MCMDC2: variants seen among roughly 807,000 people sequenced by gnomAD.
The protein encoded by MCMDC2 is minichromosome maintenance domain containing 2, also known as minichromosome maintenance domain-containing protein 2.
A neutral mutation model predicts 75.8 loss-of-function variants in MCMDC2; 54 were observed. The observed-to-expected ratio is 0.71, with a 90% CI of 0.57 to 0.89. MCMDC2 has a LOEUF of 0.89. MCMDC2 is among the 40% of genes least tolerant of loss of function. The probability of loss-of-function intolerance (pLI) is 0.00; values close to 1 mark genes in which losing one functional copy is unlikely to be tolerated. For missense variants in MCMDC2, 656 were observed against 780.4 expected (o/e 0.84, Z 1.90); for synonymous variants, 249 against 274.6 (o/e 0.91, Z 0.92).
intron 13 of MCMDC2, among the ~76,000 whole-genome samples, chr8:66,902,692 C>CAAAAAAAAA (rs530805303): frequency 3.5e-5 from 2 of 57,230 alleles, no homozygotes; most frequent in African/African-American, 1.7e-4. Flanking sequence ...GATTCTGTCT[C>CAAAAAAAAA]AAAAAAAAAA....
At chr8:66,872,129 G>T (rs1405903708) in intron 1 of MCMDC2, among the ~76,000 whole-genome samples, 2 of 152,184 alleles carry the variant, frequency 1.3e-5, no homozygotes, top group Non-Finnish European at 1.5e-5. Flanking sequence ...TGGCCACGGA[G>T]AAATAAACGC....
chr8:66,882,431 T>G lies in MCMDC2; in HGVS notation c.836-1326T>G, dbSNP rs151061344. On this transcript the variant is annotated intron_variant, in intron 8 of 14. Transcript: ENST00000422365. ...CCTAGGCTGGGGTGCAGTGACGCAA[T>G]CTCAGCTCACTGCAACCTCCACCTC... Among the ~76,000 whole-genome samples, 331 of 152,194 alleles carry G rather than the reference T, an allele frequency of 2.2e-3. 4 individuals carry two copies. The highest frequency in any genetic ancestry group is 7.7e-3 in the African/African-American group (319 of 41,536).
At chr8:66,887,691 C>T (rs1811909940) in intron 9 of MCMDC2, among the ~76,000 whole-genome samples, 1 of 152,196 alleles carries the variant, frequency 6.6e-6, no homozygotes, top group African/African-American at 2.4e-5. Context: ...TGGTCTCAAA[C>T]TTCCAGGCTC....
At chr8:66,881,690 GA>G (rs903089157) in intron 8 of MCMDC2, among the ~76,000 whole-genome samples, 1 of 149,578 alleles carries the variant, frequency 6.7e-6, no homozygotes, top group African/African-American at 2.5e-5. Context: ...TCAAAAAAAA[GA>G]AAAAAAAATA....
intron 14 of MCMDC2, 91 bp from the exon 15 acceptor site, chr8:66,918,912 T>C: frequency 9.0e-7 from 1 of 1,115,468 alleles, no homozygotes; most frequent in Non-Finnish European, 1.2e-6. Flanking sequence ...TTTTTAAGAT[T>C]CCATTAAAAT....
intron 14 of MCMDC2, among the ~76,000 whole-genome samples, chr8:66,909,775 T>G (rs1473417332): frequency 6.6e-6 from 1 of 152,172 alleles, no homozygotes; most frequent in Non-Finnish European, 1.5e-5. Flanking sequence ...GGAGATAAAT[T>G]CAAGCAGGGC....
At position 66,915,840 on chromosome 8, in the gene MCMDC2, T is replaced by A. The variant is rs537042151; in HGVS notation, c.1880-3163T>A. On this transcript the variant is annotated intron_variant, in intron 14 of 14. Coordinates refer to ENST00000422365, the MANE Select transcript of MCMDC2 (RefSeq NM_173518.5). Reference sequence around the variant, plus strand: ...ATAAATGGGGTTGTGGAGGAGGAACTAACAAAGGAGGCTTAGAAGCAGCCT... The same window carrying A: ...ATAAATGGGGTTGTGGAGGAGGAACAAACAAAGGAGGCTTAGAAGCAGCCT... Among the ~76,000 whole-genome samples the A allele has an allele frequency of 2.0e-5, 3 of 152,240 alleles. No homozygotes were observed. The South Asian group carries it at 6.2e-4, about 32-fold the overall frequency.
rs1811159019 is a variant in MCMDC2 at position 66,874,171 on chromosome 8, C to T, written c.31C>T (p.Leu11Phe). The T allele has an allele frequency of 1.2e-6, 2 of 1,605,274 alleles. No homozygotes were observed. The highest frequency in any genetic ancestry group is 8.5e-7 in the Non-Finnish European group (1 of 1,177,452). MSNLKMKEAA[L>F]IYLDRSGGLQ... ...AAATCTAAAAATGAAAGAGGCGGCC[C>T]TCATCTATCTTGACAGAAGTGGAGG... Residue 11 changes from leucine to phenylalanine, a missense_variant, in exon 2 of 15, where the codon CTC becomes TTC. Physicochemically the swap from Leu to Phe is conservative, Grantham distance 22. Transcript: ENST00000422365.
intron 9 of MCMDC2, among the ~76,000 whole-genome samples, chr8:66,887,225 G>A (rs886381871): frequency 6.6e-6 from 1 of 151,868 alleles, no homozygotes; most frequent in Non-Finnish European, 1.5e-5. Context: ...TATGCTTAGC[G>A]TTTTCTGACT....
Position 66,896,790 on chromosome 8 carries a change from T to C in MCMDC2, c.1457T>C (p.Leu486Ser). The stretch of plus-strand genomic sequence containing the variant: ...TTTGGTTTGATGTAGGATTGCAGTT[T>C]GATTCCAGCTAACCTTGTGGAGGCA... ...NTLIGQMDCS[L>S]IPANLVEAFG... The change falls in exon 12 of 15, where the codon TTG becomes TCG. Residue 486 changes from leucine (L) to serine (S), a missense_variant. Physicochemically the swap from Leu to Ser is moderately radical, Grantham distance 145. Coordinates refer to ENST00000422365, the MANE Select transcript of MCMDC2 (RefSeq NM_173518.5). The C allele has an allele frequency of 6.2e-7, 1 of 1,607,360 alleles. No individual in the cohort carries two copies. The highest frequency in any genetic ancestry group is 8.5e-7 in the Non-Finnish European group (1 of 1,177,590).
chr8:66,883,932 C>G lies in MCMDC2; in HGVS notation c.1011C>G (p.Asn337Lys), dbSNP rs764344679. Residue 337 changes from asparagine (N) to lysine (K), a missense_variant, in exon 9 of 15, where the codon AAC (asparagine) becomes AAG (lysine). Asn to Lys is a moderately conservative substitution (Grantham distance 94). Transcript: ENST00000422365. ...GTCTAGTACAGACAACTGACCGTAA[C>G]AAGGAACTGGAAGATTGCCTGGATA... ...LMSLVQTTDRNKELEDCLDIL... is the reference protein window; with the variant it reads ...LMSLVQTTDRKKELEDCLDIL... The G allele has an allele frequency of 6.2e-7, 1 of 1,613,980 alleles. No homozygotes were observed. The highest frequency in any genetic ancestry group is 1.7e-5 in the Admixed American group (1 of 60,014).
chr8:66,909,885 C>G (rs2130862184), intron 14 of MCMDC2, among the ~76,000 whole-genome samples: 1 of 152,340 alleles, frequency 6.6e-6, no homozygotes, highest in African/African-American at 2.4e-5. Context: ...AGCCCCTCCC[C>G]TCATAGTCCC....
chr8:66,897,406 C>CA (rs745366466), intron 12 of MCMDC2, among the ~76,000 whole-genome samples: 828 of 72,022 alleles, frequency 0.011, 1 homozygote, highest in Non-Finnish European at 0.015. Context: ...GACCCTGTCT[C>CA]AAAAAAAAAA....
intron 9 of MCMDC2, chr8:66,884,355 A>G (rs1351244121): frequency 4.2e-6 from 1 of 238,848 alleles, no homozygotes; most frequent in East Asian, 8.4e-5. Flanking sequence ...TATTCCATCA[A>G]TAATATTGAC....
rs148906742 is a variant in MCMDC2 at position 66,896,859 on chromosome 8, C to T, written c.1526C>T (p.Pro509Leu). 1,830 of 1,613,424 alleles carry T rather than the reference C, an allele frequency of 1.1e-3. 24 individuals are homozygous for T. In the East Asian group the frequency reaches 0.026, roughly 23 times the overall value. The change falls in exon 12 of 15, where the codon CCA (proline) becomes CTA (leucine). Residue 509 changes from proline (P) to leucine (L), a missense_variant. Coordinates refer to ENST00000422365, the MANE Select transcript of MCMDC2 (RefSeq NM_173518.5). ...INCNESSPCH[P>L]FLPTVQHTLN... ...TGCAACGAGTCATCTCCCTGCCACCCATTTCTTCCTACTGTGCAACACACT... is the reference window on the plus strand; with the variant it reads ...TGCAACGAGTCATCTCCCTGCCACCTATTTCTTCCTACTGTGCAACACACT...
intron 8 of MCMDC2, among the ~76,000 whole-genome samples, chr8:66,881,617 C>G (rs945433191): frequency 7.2e-5 from 11 of 152,066 alleles, no homozygotes; most frequent in East Asian, 1.9e-4. Flanking sequence ...ACCTGGGAGG[C>G]AGAGGTTGCA....
At chr8:66,885,009 G>A (rs1056367827) in intron 9 of MCMDC2, among the ~76,000 whole-genome samples, 5 of 152,038 alleles carry the variant, frequency 3.3e-5, no homozygotes, top group African/African-American at 9.7e-5. Context: ...GGGCTCAAGC[G>A]ATCCTCTCAC....
At chr8:66,879,714 A>G in intron 7 of MCMDC2, among the ~76,000 whole-genome samples, 1 of 152,356 alleles carries the variant, frequency 6.6e-6, no homozygotes, top group Non-Finnish European at 1.5e-5. Context: ...TTTAGTTAAT[A>G]TTATCAATTA....
chr8:66,894,495 T>C (rs1812251892), intron 10 of MCMDC2, among the ~76,000 whole-genome samples: 1 of 152,224 alleles, frequency 6.6e-6, no homozygotes, highest in Admixed American at 6.5e-5. Flanking sequence ...AATGTATGCA[T>C]ATCAAGAAGT....
Sources: gnomAD v4.1 joint callset for allele counts (sites outside exome capture counted in the v4.1 genomes callset) on GRCh38, gnomAD v4.1.1 for gene constraint, MANE v1.5 for transcripts, NCBI Gene and HGNC (gene_info 2026-07-23, HGNC 2026-07-21) for gene names.